Variants in CADPS2 observed in about 807,000 individuals in gnomAD.
CADPS2 encodes the protein calcium-dependent secretion activator 2.
In CADPS2, 93 loss-of-function variants were observed where a neutral mutation model predicts 172.5. The ratio of observed to expected loss-of-function variants is 0.54; its 90% CI spans 0.46 to 0.64. The LOEUF is 0.64. Among genes scored for constraint, CADPS2 ranks in the 30% least tolerant of loss-of-function variants. The pLI is 0.00. For synonymous variants in CADPS2, 546 were observed against 555.2 expected (o/e 0.98, Z 0.23); for missense variants, 1,420 against 1,565.9 (o/e 0.91, Z 1.57).
chr7:122,824,287 T>C (rs1359842413), intron 1 of CADPS2, among the ~76,000 whole-genome samples: 2 of 152,222 alleles, frequency 1.3e-5, no homozygotes, highest in African/African-American at 2.4e-5. Flanking sequence ...CAAGGTCACA[T>C]GGCTAGTAAG....
At chr7:122,678,287 C>T (rs1392938010) in intron 2 of CADPS2, among the ~76,000 whole-genome samples, 2 of 152,154 alleles carry the variant, frequency 1.3e-5, no homozygotes, top group Non-Finnish European at 2.9e-5. Flanking sequence ...TTTTGTAATA[C>T]AATGTTATTA....
chr7:122,879,339 C>A (rs1357007678), intron 1 of CADPS2, among the ~76,000 whole-genome samples: 1 of 151,204 alleles, frequency 6.6e-6, no homozygotes, highest in Non-Finnish European at 1.5e-5. Flanking sequence ...AGTTCGAGAC[C>A]AGCCTGGCCA....
chr7:122,343,944 T>C (rs2037171377), intron 28 of CADPS2, among the ~76,000 whole-genome samples: 1 of 152,208 alleles, frequency 6.6e-6, no homozygotes, highest in South Asian at 2.1e-4. Flanking sequence ...CTGCAGGGCA[T>C]CAAAGCTTTT....
At chr7:122,548,193 C>T (rs1340436656) in intron 8 of CADPS2, among the ~76,000 whole-genome samples, 1 of 151,820 alleles carries the variant, frequency 6.6e-6, no homozygotes, top group African/African-American at 2.4e-5. Context: ...TATAGGGAGA[C>T]CCCATCTCTA....
chr7:122,602,224 T>C (rs1479695479), intron 6 of CADPS2, among the ~76,000 whole-genome samples: 1 of 151,860 alleles, frequency 6.6e-6, no homozygotes, highest in African/African-American at 2.4e-5. Context: ...TTTTTTCATA[T>C]GGGAATTACC....
intron 3 of CADPS2, among the ~76,000 whole-genome samples, chr7:122,635,511 T>C (rs1422211231): frequency 6.7e-6 from 1 of 149,134 alleles, no homozygotes; most frequent in Non-Finnish European, 1.5e-5. Flanking sequence ...TTCCCACCTA[T>C]GAGTGAGAAT....
intron 3 of CADPS2, among the ~76,000 whole-genome samples, chr7:122,639,566 A>G (rs991866843): frequency 2.0e-5 from 3 of 152,250 alleles, no homozygotes; most frequent in Admixed American, 6.5e-5. Context: ...TATTACTTAC[A>G]TAGGTCCATG....
chr7:122,712,324 A>T (rs1168267165), intron 2 of CADPS2, among the ~76,000 whole-genome samples: 1 of 152,112 alleles, frequency 6.6e-6, no homozygotes, highest in Non-Finnish European at 1.5e-5. Context: ...ATGACTAAGG[A>T]CCTGCCATGC....
chr7:122,698,810 C>G, intron 2 of CADPS2: 2 of 1,613,830 alleles, frequency 1.2e-6, no homozygotes, highest in Non-Finnish European at 1.7e-6. Flanking sequence ...GCCATCCAAA[C>G]AACACTTGCT....
intron 8 of CADPS2, among the ~76,000 whole-genome samples, chr7:122,552,775 G>GTTT (rs61517518): frequency 4.4e-5 from 6 of 137,084 alleles, no homozygotes; most frequent in Non-Finnish European, 7.8e-5. Flanking sequence ...ATAGGTTCCT[G>GTTT]TTTTTTTTTT....
intron 17 of CADPS2, among the ~76,000 whole-genome samples, chr7:122,429,878 C>T (rs775610393): frequency 6.7e-6 from 1 of 148,596 alleles, no homozygotes; most frequent in Non-Finnish European, 1.5e-5. Flanking sequence ...ACAAACTGTG[C>T]AGTTTTTTTT....
chr7:122,592,824 C>T lies in CADPS2; in HGVS notation c.1224-11534G>A, dbSNP rs1011616780. Among the ~76,000 whole-genome samples, 10 of 140,950 alleles carry T rather than the reference C, an allele frequency of 7.1e-5. No homozygotes were observed. The South Asian group carries it at 8.9e-4, about 13-fold the overall frequency. 92.5% of individuals were successfully genotyped at this position (140,950 alleles called of 152,430 possible). A position where few individuals can be genotyped will look rare whatever the true frequency, so the allele number is the denominator to read the frequency against. ...GACACAGGGTGGGGAACATCACACACTGGGGCCTTCCAGGGGGATGGGGGG... is the reference window on the plus strand; with the variant it reads ...GACACAGGGTGGGGAACATCACACATTGGGGCCTTCCAGGGGGATGGGGGG... On this transcript the variant is annotated intron_variant, in intron 6 of 29. Coordinates refer to ENST00000449022, the MANE Select transcript of CADPS2 (RefSeq NM_017954.11).
chr7:122,647,847 T>G (rs1053287796), intron 3 of CADPS2, among the ~76,000 whole-genome samples: 2 of 152,194 alleles, frequency 1.3e-5, no homozygotes, highest in Non-Finnish European at 1.5e-5. Flanking sequence ...TAGTGTCAAA[T>G]AAATTTTTTA....
chr7:122,628,704 T>C (rs967816726), intron 4 of CADPS2, among the ~76,000 whole-genome samples: 15 of 150,594 alleles, frequency 1.0e-4, no homozygotes, highest in Non-Finnish European at 1.6e-4. Context: ...CTATTCACGA[T>C]ACACAGTGAT....
chr7:122,442,131 T>TA (rs2051435632), intron 15 of CADPS2, among the ~76,000 whole-genome samples: 2 of 152,228 alleles, frequency 1.3e-5, no homozygotes, highest in Admixed American at 1.3e-4. Flanking sequence ...TTTCTAGTTC[T>TA]ACATATTCCT....
At chr7:122,737,924 A>G (rs1439665504) in intron 1 of CADPS2, among the ~76,000 whole-genome samples, 3 of 152,146 alleles carry the variant, frequency 2.0e-5, no homozygotes, top group African/African-American at 7.2e-5. Flanking sequence ...CAAAATTTGG[A>G]TTCCATGAAC....
At chr7:122,836,667 A>G (rs560336462) in intron 1 of CADPS2, among the ~76,000 whole-genome samples, 1 of 152,360 alleles carries the variant, frequency 6.6e-6, no homozygotes, top group South Asian at 2.1e-4. Flanking sequence ...AACAAAGATC[A>G]AAAGAGACAA....
intron 1 of CADPS2, among the ~76,000 whole-genome samples, chr7:122,820,333 T>A (rs1006096016): frequency 3.0e-4 from 45 of 151,994 alleles, no homozygotes; most frequent in Admixed American, 1.2e-3. Context: ...CCAAATTTCT[T>A]CCTCATCTGT....
intron 11 of CADPS2, among the ~76,000 whole-genome samples, chr7:122,481,066 TCTCTGGAGGAA>T (rs2057232203): frequency 1.3e-5 from 2 of 151,890 alleles, no homozygotes; most frequent in African/African-American, 2.4e-5. Flanking sequence ...ATGAAACTAC[TCTCTGGAGGAA>T]CTCTGGAGGA....
Sources: allele counts gnomAD v4.1 joint callset (sites outside exome capture counted in the v4.1 genomes callset), GRCh38; gene constraint gnomAD v4.1.1; transcripts MANE v1.5; gene names NCBI Gene and HGNC (gene_info 2026-07-23, HGNC 2026-07-21).